NAV2: variants seen among roughly 807,000 people sequenced by gnomAD.
The protein encoded by NAV2 is neuron navigator 2.
NAV2 carries 54 observed loss-of-function variants against 223.2 expected under a neutral mutation model. That is an observed-to-expected ratio of 0.24 (90% CI 0.19 to 0.30). NAV2 has a LOEUF of 0.30. NAV2 is among the 10% of genes least tolerant of loss of function. NAV2 has a pLI of 1.00. For synonymous variants in NAV2, 1,279 were observed against 1,239.3 expected, an observed-to-expected ratio of 1.03 and a Z score of -0.67; for missense variants, 2,806 against 3,147.5, an observed-to-expected ratio of 0.89 and a Z score of 2.60.
intron 1 of NAV2, among the ~76,000 whole-genome samples, chr11:19,638,368 C>T (rs758430745): frequency 2.0e-5 from 3 of 152,212 alleles, no homozygotes; most frequent in Non-Finnish European, 4.4e-5. Flanking sequence ...AACCTTTGTG[C>T]TTGAGAAAGC....
intron 6 of NAV2, among the ~76,000 whole-genome samples, chr11:19,928,742 G>T (rs953636877): frequency 1.3e-5 from 2 of 152,132 alleles, no homozygotes; most frequent in African/African-American, 4.8e-5. Flanking sequence ...TAGAAGCAAG[G>T]CTAAAAGGAC....
intron 1 of NAV2, among the ~76,000 whole-genome samples, chr11:19,680,359 A>G (rs1472036208): frequency 6.6e-6 from 1 of 152,124 alleles, no homozygotes; most frequent in Non-Finnish European, 1.5e-5. Context: ...GCCTCCCGCC[A>G]GTTTCCCGTA....
intron 1 of NAV2, among the ~76,000 whole-genome samples, chr11:19,620,152 G>T (rs10833138): frequency 4.6e-5 from 7 of 151,870 alleles, no homozygotes; most frequent in South Asian, 4.2e-4. Flanking sequence ...ATGCTGTTTT[G>T]GTTACTGTAG....
At chr11:19,346,467 C>T (rs1853013034), upstream of NAV2, among the ~76,000 whole-genome samples, 1 of 152,210 alleles carries the variant, frequency 6.6e-6, no homozygotes. Context: ...GGAGGGGGCG[C>T]CCGAGCACTG....
chr11:20,056,838 T>C (rs1467210736), intron 19 of NAV2, among the ~76,000 whole-genome samples: 1 of 152,150 alleles, frequency 6.6e-6, no homozygotes, highest in African/African-American at 2.4e-5. Context: ...ATGGATAAAA[T>C]AGGAGTAATA....
chr11:19,872,718 C>T (rs978678816), intron 4 of NAV2, among the ~76,000 whole-genome samples: 2 of 152,300 alleles, frequency 1.3e-5, no homozygotes, highest in Non-Finnish European at 2.9e-5. Context: ...AGGCCTGCCC[C>T]GACCCGCCTG....
At chr11:20,017,968 TTC>T (rs1025662552) in intron 11 of NAV2, among the ~76,000 whole-genome samples, 8 of 152,152 alleles carry the variant, frequency 5.3e-5, no homozygotes, top group East Asian at 1.9e-4. Context: ...TCCCTTCCCT[TTC>T]TCTCTTTGTT....
At chr11:19,448,786 C>T (rs1851681215) in intron 1 of NAV2, among the ~76,000 whole-genome samples, 2 of 152,140 alleles carry the variant, frequency 1.3e-5, no homozygotes, top group Admixed American at 1.3e-4. Flanking sequence ...TTAATAAATG[C>T]CATCCGTTTT....
intron 1 of NAV2, among the ~76,000 whole-genome samples, chr11:19,793,604 G>A (rs1319917958): frequency 6.6e-6 from 1 of 152,168 alleles, no homozygotes; most frequent in Non-Finnish European, 1.5e-5. Context: ...TCCTGCTTCT[G>A]CTCCCAGCCC....
chr11:19,491,649 C>T (rs773834627), intron 1 of NAV2, among the ~76,000 whole-genome samples: 2 of 152,228 alleles, frequency 1.3e-5, no homozygotes, highest in African/African-American at 2.4e-5. Context: ...TTAGAACTTT[C>T]TCCATATCAG....
At chr11:20,017,571 G>T (rs2054119194) in intron 11 of NAV2, among the ~76,000 whole-genome samples, 1 of 152,048 alleles carries the variant, frequency 6.6e-6, no homozygotes, top group Non-Finnish European at 1.5e-5. Flanking sequence ...TTGCTTGTTT[G>T]TCTCCTCCAT....
At chr11:19,872,597 A>G (rs200055217) in intron 4 of NAV2, among the ~76,000 whole-genome samples, 2 of 152,388 alleles carry the variant, frequency 1.3e-5, no homozygotes, top group East Asian at 3.9e-4. Context: ...GATGAAGAAA[A>G]CATCAGCAGT....
rs572473141 is a variant in NAV2 at position 19,637,680 on chromosome 11, G to T, written c.76-194804G>T. On this transcript the variant is annotated intron_variant, in intron 1 of 37. Coordinates refer to the NAV2 transcript ENST00000360655. ...ATGTGGCAAGAATTGGAGCAAGGGG[G>T]TGGAGGATGTCACACACTTAAACGA... Among the ~76,000 whole-genome samples the T allele has an allele frequency of 1.1e-4, 16 of 152,340 alleles. No homozygotes were observed. The South Asian group carries it at 3.3e-3, about 32-fold the overall frequency.
chr11:20,065,081 T>C (rs1024537557), intron 20 of NAV2, among the ~76,000 whole-genome samples: 1 of 152,228 alleles, frequency 6.6e-6, no homozygotes, highest in African/African-American at 2.4e-5. Context: ...TGGTGCTGTC[T>C]ACTAATTTCA....
chr11:19,960,789 T>A (rs892412223), intron 10 of NAV2, among the ~76,000 whole-genome samples: 5 of 152,044 alleles, frequency 3.3e-5, no homozygotes, highest in Admixed American at 1.3e-4. Flanking sequence ...AATTTTTGTA[T>A]CCTTAGTAGA....
At chr11:20,087,686 T>C (rs987593091) in intron 26 of NAV2, among the ~76,000 whole-genome samples, 1 of 152,180 alleles carries the variant, frequency 6.6e-6, no homozygotes, top group African/African-American at 2.4e-5. Context: ...AAGCAGTTTA[T>C]GAAGTGGACA....
intron 1 of NAV2, among the ~76,000 whole-genome samples, chr11:19,698,640 C>G (rs777706399): frequency 2.6e-5 from 4 of 152,228 alleles, no homozygotes; most frequent in Non-Finnish European, 2.9e-5. Flanking sequence ...CACAATGGCA[C>G]AGACACAACC....
At chr11:19,716,247 T>G (rs563743548) in intron 1 of NAV2, among the ~76,000 whole-genome samples, 6 of 152,334 alleles carry the variant, frequency 3.9e-5, no homozygotes, top group African/African-American at 1.4e-4. Context: ...GATTGGGTTG[T>G]GTAGTGGCTG....
chr11:19,892,344 T>G, intron 5 of NAV2, 90 bp from the exon 6 acceptor site: 1 of 1,289,382 alleles, frequency 7.8e-7, no homozygotes, highest in Non-Finnish European at 1.1e-6. Flanking sequence ...GATAGTTTCT[T>G]TTGCCTCCTG....
Sources: gnomAD v4.1 joint callset for allele counts (sites outside exome capture counted in the v4.1 genomes callset) on GRCh38, gnomAD v4.1.1 for gene constraint, MANE v1.5 for transcripts, NCBI Gene and HGNC (gene_info 2026-07-23, HGNC 2026-07-21) for gene names.